The following LSAMP variants were observed in gnomAD, a reference collection of about 807,000 sequenced individuals.
LSAMP encodes the protein limbic system associated membrane protein.
A neutral mutation model predicts 38.6 loss-of-function variants in LSAMP; 7 were observed. The ratio of observed to expected loss-of-function variants is 0.18; its 90% CI spans 0.10 to 0.34. The LOEUF is 0.34. Among genes scored for constraint, LSAMP ranks in the 10% least tolerant of loss-of-function variants. The probability of loss-of-function intolerance (pLI) is 1.00; values close to 1 mark genes in which losing one functional copy is unlikely to be tolerated. For synonymous variants in LSAMP, 154 were observed against 166.8 expected (o/e 0.92, Z 0.59); for missense variants, 313 against 420.0 (o/e 0.75, Z 2.23).
intron 1 of LSAMP, among the ~76,000 whole-genome samples, chr3:116,199,073 G>C (rs1416391148): frequency 1.3e-5 from 2 of 151,912 alleles, no homozygotes; most frequent in East Asian, 3.9e-4. Context: ...GACAGAGCAA[G>C]ACCTTGTCTC....
At chr3:116,277,537 T>A (rs2047072631) in intron 1 of LSAMP, among the ~76,000 whole-genome samples, 1 of 151,780 alleles carries the variant, frequency 6.6e-6, no homozygotes, top group Non-Finnish European at 1.5e-5. Flanking sequence ...GCCTGGCTAA[T>A]TTTTTTGTAT....
At chr3:116,318,468 C>T (rs76956610) in intron 1 of LSAMP, among the ~76,000 whole-genome samples, 1,605 of 152,298 alleles carry the variant, frequency 0.011, 29 homozygotes, top group African/African-American at 0.033. Flanking sequence ...CTGCCATTCA[C>T]TACTCAGTAA....
intron 1 of LSAMP, among the ~76,000 whole-genome samples, chr3:116,369,599 A>G (rs1030664289): frequency 4.6e-5 from 7 of 152,174 alleles, no homozygotes; most frequent in Admixed American, 3.3e-4. Flanking sequence ...CAACGGAGAA[A>G]CAGGAAGTTA....
chr3:116,321,899 T>C (rs2107730887), intron 1 of LSAMP, among the ~76,000 whole-genome samples: 1 of 152,222 alleles, frequency 6.6e-6, no homozygotes, highest in Non-Finnish European at 1.5e-5. Flanking sequence ...TAATAGTTAT[T>C]CCCCCAAATA....
chr3:116,029,603 G>T (rs1459495303), intron 2 of LSAMP, among the ~76,000 whole-genome samples: 1 of 152,142 alleles, frequency 6.6e-6, no homozygotes, highest in East Asian at 1.9e-4. Context: ...TACCGTGTGT[G>T]TTAATGTAGT....
At chr3:116,262,974 T>G (rs2107660294) in intron 1 of LSAMP, among the ~76,000 whole-genome samples, 1 of 152,242 alleles carries the variant, frequency 6.6e-6, no homozygotes, top group African/African-American at 2.4e-5. Context: ...TTAAAAAATC[T>G]TAATTTTTCG....
intron 1 of LSAMP, among the ~76,000 whole-genome samples, chr3:116,221,449 A>C (rs970013416): frequency 2.0e-5 from 3 of 152,094 alleles, no homozygotes; most frequent in Non-Finnish European, 4.4e-5. Flanking sequence ...TACGCTCTGA[A>C]CTAGCTAGGG....
intron 2 of LSAMP, among the ~76,000 whole-genome samples, chr3:116,046,580 G>A (rs1414234588): frequency 6.6e-6 from 1 of 152,192 alleles, no homozygotes; most frequent in African/African-American, 2.4e-5. Context: ...AAAGGCCCTG[G>A]TTTTGGAGGC....
Position 116,444,890 on chromosome 3 carries a change from T to C in LSAMP, c.142A>G (p.Thr48Ala), listed in dbSNP as rs1319023571. ...CGAAAGCCCTACCTGAGGATGGCTG[T>C]GTCCCCCTGCCTCACGGTGATGTTG... ...TDNITVRQGDTAILRCVVEDK... is the reference protein window; with the variant it reads ...TDNITVRQGDAAILRCVVEDK... Residue 48 changes from threonine to alanine, a missense_variant, in exon 1 of 7, where the codon ACA becomes GCA. By Grantham distance (58) the Thr-to-Ala change is moderately conservative. Coordinates refer to ENST00000490035, the MANE Select transcript of LSAMP (RefSeq NM_002338.5). 6.2e-7 allele frequency: 1 copy of C among 1,614,104 alleles called. No individual in the cohort carries two copies. Among genetic ancestry groups the C allele is most frequent in the Non-Finnish European group, 8.5e-7 (1 of 1,180,030 alleles).
intron 3 of LSAMP, among the ~76,000 whole-genome samples, chr3:115,970,814 C>G (rs1184391252): frequency 6.6e-6 from 1 of 152,088 alleles, no homozygotes; most frequent in African/African-American, 2.4e-5. Flanking sequence ...TTTGGTAATG[C>G]TGGTTAGCAG....
At chr3:115,878,165 G>T (rs983211859) in intron 3 of LSAMP, among the ~76,000 whole-genome samples, 20 of 152,044 alleles carry the variant, frequency 1.3e-4, no homozygotes, top group African/African-American at 4.6e-4. Flanking sequence ...TCAGAAAGGG[G>T]AATATCACAG....
chr3:115,930,365 T>C (rs1329213982), intron 3 of LSAMP, among the ~76,000 whole-genome samples: 1 of 152,060 alleles, frequency 6.6e-6, no homozygotes, highest in African/African-American at 2.4e-5. Context: ...TTTTATTATC[T>C]GAGCCCCTCC....
At chr3:116,209,094 A>G (rs971955198) in intron 1 of LSAMP, among the ~76,000 whole-genome samples, 9 of 152,140 alleles carry the variant, frequency 5.9e-5, no homozygotes, top group Admixed American at 3.9e-4. Flanking sequence ...GCGGGATATA[A>G]TCTCGTGGTG....
chr3:115,921,058 T>C (rs1937371420), intron 3 of LSAMP, among the ~76,000 whole-genome samples: 1 of 152,174 alleles, frequency 6.6e-6, no homozygotes, highest in Non-Finnish European at 1.5e-5. Flanking sequence ...AATATCTTTT[T>C]CCATCCTTTC....
chr3:115,878,864 A>G (rs755809835), intron 3 of LSAMP, among the ~76,000 whole-genome samples: 20 of 152,124 alleles, frequency 1.3e-4, no homozygotes, highest in Non-Finnish European at 8.8e-5. Context: ...TGCTATGTGT[A>G]TGGCAGCTAT....
intron 1 of LSAMP, among the ~76,000 whole-genome samples, chr3:116,099,601 A>G (rs1052723795): frequency 3.3e-5 from 5 of 152,172 alleles, no homozygotes; most frequent in African/African-American, 1.2e-4. Flanking sequence ...GTCTGGCTCT[A>G]TCATGGCCAC....
At chr3:116,123,504 T>G (rs1708935326) in intron 1 of LSAMP, among the ~76,000 whole-genome samples, 1 of 152,232 alleles carries the variant, frequency 6.6e-6, no homozygotes, top group African/African-American at 2.4e-5. Flanking sequence ...GAAGGAAGTT[T>G]GGGTTGAAAA....
At chr3:116,086,285 C>T (rs1222750965) in intron 2 of LSAMP, 39 bp downstream of exon 2, 2 of 1,490,124 alleles carry the variant, frequency 1.3e-6, no homozygotes, top group East Asian at 4.5e-5. Context: ...GCAACTCCCA[C>T]CTCTTTCTTA....
In LSAMP at chr3:116,127,128, T is replaced by C. The variant is rs569748926; in HGVS notation, c.156-40572A>G. ...TAAACCAAGTGATAGAGTAGGAATC[T>C]CTAGGATTTTCTAGGAATTTCCTAC... On this transcript the variant is annotated intron_variant, in intron 1 of 6. Transcript: ENST00000490035. Among the ~76,000 whole-genome samples the C allele has an allele frequency of 7.0e-4, 106 of 152,346 alleles. 3 individuals are homozygous for C. In the South Asian group the frequency reaches 0.021, roughly 30 times the overall value.
Sources: allele counts gnomAD v4.1 joint callset (sites outside exome capture counted in the v4.1 genomes callset), GRCh38; gene constraint gnomAD v4.1.1; transcripts MANE v1.5; gene names NCBI Gene and HGNC (gene_info 2026-07-23, HGNC 2026-07-21).